Variants in RRAGC observed in about 807,000 individuals in gnomAD.
The protein encoded by RRAGC is ras-related GTP-binding protein C.
In RRAGC, 8 loss-of-function variants were observed where a neutral mutation model predicts 37.1. That is an observed-to-expected ratio of 0.22 (90% CI 0.13 to 0.39). The LOEUF is 0.39. Ranked by LOEUF, RRAGC falls within the 10% of genes least tolerant of loss-of-function variation. The pLI is 1.00. For missense variants in RRAGC, 342 were observed against 497.6 expected (o/e 0.69, Z 2.98); for synonymous variants, 190 against 181.1 (o/e 1.05, Z -0.39).
At chr1:38,849,122 A>G (rs1434887296) in intron 5 of RRAGC, among the ~76,000 whole-genome samples, 2 of 152,024 alleles carry the variant, frequency 1.3e-5, no homozygotes, top group Non-Finnish European at 2.9e-5. Context: ...AGAAAAAAAA[A>G]AGGTTAGCTG....
intron 6 of RRAGC, among the ~76,000 whole-genome samples, chr1:38,840,549 G>GA (rs1217308124): frequency 6.6e-6 from 1 of 152,130 alleles, no homozygotes; most frequent in African/African-American, 2.4e-5. Flanking sequence ...AACTGTGAAG[G>GA]AAATCCAAAG....
chr1:38,849,450 A>C (rs1202879909), intron 5 of RRAGC, among the ~76,000 whole-genome samples: 1 of 152,192 alleles, frequency 6.6e-6, no homozygotes, highest in Non-Finnish European at 1.5e-5. Context: ...GCACTTTGAG[A>C]GGCCAAGGCA....
intron 1 of RRAGC, among the ~76,000 whole-genome samples, chr1:38,857,787 C>T (rs978138411): frequency 6.6e-6 from 1 of 152,166 alleles, no homozygotes; most frequent in African/African-American, 2.4e-5. Context: ...TGGTGAAACC[C>T]CATCCCCACT....
At position 38,859,632 on chromosome 1, in the gene RRAGC, G is replaced by A. The variant is rs1052767194; in HGVS notation, c.15C>T (p.Tyr5=). Residue 5 remains tyrosine, a synonymous_variant, in exon 1 of 7, where the codon TAC becomes TAT. Transcript: ENST00000373001. MSLQ[Y]GAEETPLAGS... ...CGGCGAGGGGCGTCTCCTCCGCCCCGTACTGCAGGGACATGGTGCTGGAGC... is the reference window on the plus strand; with the variant it reads ...CGGCGAGGGGCGTCTCCTCCGCCCCATACTGCAGGGACATGGTGCTGGAGC... 3.2e-6 allele frequency: 5 copies of A among 1,558,326 alleles called. No homozygotes were observed. The highest frequency in any genetic ancestry group is 1.2e-5 in the South Asian group (1 of 84,762).
At chr1:38,847,003 G>A (rs6694667) in intron 5 of RRAGC, 54,441 of 151,886 alleles carry the variant, frequency 0.36, 10,889 homozygotes, top group Non-Finnish European at 0.44. Flanking sequence ...CCAGCTACTC[G>A]GGAGGCTAAG....
At chr1:38,855,533 A>G (rs932559499) in intron 3 of RRAGC, among the ~76,000 whole-genome samples, 175 bp downstream of exon 3, 1 of 152,210 alleles carries the variant, frequency 6.6e-6, no homozygotes, top group African/African-American at 2.4e-5. Flanking sequence ...AAAAGTGGGT[A>G]ATTTCTCAAT....
chr1:38,859,700 G>GGCC lies in RRAGC; in HGVS notation c.-57_-55dup, dbSNP rs1642215067. On this transcript the variant is annotated 5_prime_UTR_variant, in exon 1 of 7. Transcript: ENST00000373001. ...TGACAGGCCAGGCCAGGCCGAGCCA[G>GGCC]GCCGCCGCCTCCCCAGTCCGCCTCC... is the stretch of plus-strand genomic sequence containing the variant. The GGCC allele has an allele frequency of 2.2e-6, 3 of 1,352,406 alleles. No homozygotes were observed. The highest frequency in any genetic ancestry group is 2.9e-6 in the Non-Finnish European group (3 of 1,047,940). 83.8% of individuals were successfully genotyped at this position (1,352,406 alleles called of 1,614,324 possible). A position where few individuals can be genotyped will look rare whatever the true frequency, so the allele number is the denominator to read the frequency against.
chr1:38,859,679 A>AGGCCAGGCCAGGCCG lies in RRAGC; in HGVS notation c.-48_-34dup, dbSNP rs1642214394. ...GAGCCGCCGCCGCCCGCGCCCTGAC[A>AGGCCAGGCCAGGCCG]GGCCAGGCCAGGCCGAGCCAGGCCG... is the stretch of plus-strand genomic sequence containing the variant. On this transcript the variant is annotated 5_prime_UTR_variant, in exon 1 of 7. Transcript: ENST00000373001. 2 of 1,440,658 alleles carry AGGCCAGGCCAGGCCG rather than the reference A, an allele frequency of 1.4e-6. No individual in the cohort carries two copies. Among genetic ancestry groups the AGGCCAGGCCAGGCCG allele is most frequent in the Admixed American group, 2.7e-5 (1 of 37,544 alleles). 89.2% of individuals were successfully genotyped at this position (1,440,658 alleles called of 1,614,324 possible).
rs193093982 is a variant in RRAGC at position 38,856,041 on chromosome 1, A to G, written c.442-134T>C. The G allele has an allele frequency of 6.2e-4, 377 of 612,462 alleles. 5 individuals are homozygous for G. In the East Asian group the frequency reaches 9.7e-3, roughly 16 times the overall value. 37.9% of individuals were successfully genotyped at this position (612,462 alleles called of 1,614,324 possible). A position where few individuals can be genotyped will look rare whatever the true frequency, so the allele number is the denominator to read the frequency against. On this transcript the variant is annotated intron_variant, in intron 2 of 6. Coordinates refer to ENST00000373001, the MANE Select transcript of RRAGC (RefSeq NM_022157.4). ...TTATCATCAATATTCAAACATTCAA[A>G]TATACTATACTACTAAATAACTCTT...
chr1:38,846,128 C>T, intron 5 of RRAGC, 41 bp from the exon 6 acceptor site: 1 of 1,512,028 alleles, frequency 6.6e-7, no homozygotes. Context: ...GGTTTCCCAT[C>T]TAGGCATCTG....
At chr1:38,856,617 C>A in intron 2 of RRAGC, 1 of 308,812 alleles carries the variant, frequency 3.2e-6, no homozygotes. Context: ...ATATGGCAAC[C>A]AATAAAAGTG....
At chr1:38,847,726 A>G (rs1414254652) in intron 5 of RRAGC, 2 of 152,226 alleles carry the variant, frequency 1.3e-5, no homozygotes, top group Non-Finnish European at 1.5e-5. Context: ...AGTAAACTAC[A>G]TAAATACAAG....
At chr1:38,849,596 G>A (rs1642071416) in intron 5 of RRAGC, among the ~76,000 whole-genome samples, 1 of 152,094 alleles carries the variant, frequency 6.6e-6, no homozygotes. Flanking sequence ...GCTGAGGCAG[G>A]AGAACTGCTT....
At position 38,843,548 on chromosome 1, in the gene RRAGC, G is replaced by A. The variant is rs12088401; in HGVS notation, c.1048+2391C>T. Reference sequence around the variant, plus strand: ...ATCCTGGCTAACGCAGTGAAACCCCGCCTCTACTAAAAATACAAAAAAGTA... The same window carrying A: ...ATCCTGGCTAACGCAGTGAAACCCCACCTCTACTAAAAATACAAAAAAGTA... On this transcript the variant is annotated intron_variant, in intron 6 of 6. Coordinates refer to ENST00000373001, the MANE Select transcript of RRAGC (RefSeq NM_022157.4). 1.9e-3 allele frequency among the ~76,000 whole-genome samples: 285 copies of A among 151,952 alleles called. 2 individuals carry two copies. Among genetic ancestry groups the A allele is most frequent in the African/African-American group, 6.2e-3 (258 of 41,448 alleles).
chr1:38,843,360 C>A (rs751803939), intron 6 of RRAGC, among the ~76,000 whole-genome samples: 1 of 151,584 alleles, frequency 6.6e-6, no homozygotes. Context: ...CATTTTAGTT[C>A]TTAAGCTGAA....
chr1:38,851,115 G>A (rs1254641232), intron 5 of RRAGC, among the ~76,000 whole-genome samples: 1 of 152,170 alleles, frequency 6.6e-6, no homozygotes, highest in African/African-American at 2.4e-5. Flanking sequence ...AAATTTTAGA[G>A]ATTTATTTTG....
intron 6 of RRAGC, among the ~76,000 whole-genome samples, 183 bp downstream of exon 6, chr1:38,845,756 T>C (rs1430012303): frequency 2.0e-5 from 3 of 151,410 alleles, no homozygotes; most frequent in East Asian, 3.9e-4. Flanking sequence ...AAATGAAAGA[T>C]CAAAAAAAGA....
chr1:38,854,505 A>G (rs1642142776), intron 3 of RRAGC, among the ~76,000 whole-genome samples: 1 of 152,244 alleles, frequency 6.6e-6, no homozygotes, highest in Non-Finnish European at 1.5e-5. Context: ...AAAGAGAATC[A>G]GAAGGATCCC....
chr1:38,859,244 G>A (rs1031442113), intron 1 of RRAGC, among the ~76,000 whole-genome samples, 166 bp downstream of exon 1: 1 of 152,254 alleles, frequency 6.6e-6, no homozygotes, highest in Non-Finnish European at 1.5e-5. Context: ...GGACACAGAG[G>A]TCGGGGTCCC....
Sources: gnomAD v4.1 joint callset for allele counts (sites outside exome capture counted in the v4.1 genomes callset) on GRCh38, gnomAD v4.1.1 for gene constraint, MANE v1.5 for transcripts, NCBI Gene and HGNC (gene_info 2026-07-23, HGNC 2026-07-21) for gene names.